PALS1: variants seen among roughly 807,000 people sequenced by gnomAD.
PALS1 encodes protein PALS1.
Under a neutral mutation model 78.9 loss-of-function variants are expected in PALS1, and 31 were observed. That is an observed-to-expected ratio of 0.39 (90% confidence interval 0.30 to 0.53). The LOEUF (loss-of-function observed/expected upper bound fraction) is 0.53. Among genes scored for constraint, PALS1 ranks in the 20% least tolerant of loss-of-function variants. PALS1 has a pLI of 0.67. For missense variants in PALS1, 704 were observed against 826.5 expected (o/e 0.85, Z 1.82); for synonymous variants, 276 against 270.9 (o/e 1.02, Z -0.18).
intron 14 of PALS1, among the ~76,000 whole-genome samples, chr14:67,328,839 C>G (rs1161877576): frequency 3.3e-5 from 5 of 152,090 alleles, no homozygotes; most frequent in Non-Finnish European, 5.9e-5. Context: ...TGGTCTGTAT[C>G]TCTGTTTTGG....
In PALS1 at chr14:67,320,238, A is replaced by G; in HGVS notation, c.1378A>G (p.Asn460Asp). 6.2e-7 allele frequency: 1 copy of G among 1,608,132 alleles called. No individual in the cohort carries two copies. Among genetic ancestry groups the G allele is most frequent in the East Asian group, 2.2e-5 (1 of 44,792 alleles). Residue 460 changes from asparagine to aspartate, a missense_variant, in exon 12 of 15, where the codon AAC becomes GAC. By Grantham distance (23) the Asn-to-Asp change is conservative (BLOSUM62 1). Transcript: ENST00000261681. ...ACTTTTTTTTCCCAAAGATTATGAC[A>G]ACGAGGAGATCTTAACCTATGAGGA... The part of the protein sequence containing the change: ...YNANKNDDYD[N>D]EEILTYEEMS...
chr14:67,330,306 A>T (rs2085428860), intron 14 of PALS1, among the ~76,000 whole-genome samples: 1 of 151,702 alleles, frequency 6.6e-6, no homozygotes, highest in African/African-American at 2.4e-5. Flanking sequence ...GTTTCTCAAG[A>T]TGAATGCTTA....
In PALS1 at chr14:67,279,434, G is replaced by A; in HGVS notation, c.264G>A (p.Lys88=). 1 of 1,613,898 alleles carries A rather than the reference G, an allele frequency of 6.2e-7. No homozygotes were observed. Among genetic ancestry groups the A allele is most frequent in the Non-Finnish European group, 8.5e-7 (1 of 1,179,908 alleles). Residue 88 remains lysine, a synonymous_variant, in exon 3 of 15, where the codon AAG becomes AAA. Coordinates refer to ENST00000261681, the MANE Select transcript of PALS1 (RefSeq NM_022474.4). ...ELDLNSSMRL[K]KLAQIPPKTG... is the part of the protein sequence containing the mutation. Reference sequence around the variant, plus strand: ...ACCTTAATTCTTCCATGAGACTTAAGAAACTAGCCCAAATTCCTCCAAAGA... The same window carrying A: ...ACCTTAATTCTTCCATGAGACTTAAAAAACTAGCCCAAATTCCTCCAAAGA...
chr14:67,328,499 A>G (rs2085394503), intron 14 of PALS1, among the ~76,000 whole-genome samples: 1 of 152,084 alleles, frequency 6.6e-6, no homozygotes, highest in Admixed American at 6.5e-5. Context: ...CCATTTGTCA[A>G]TTTTGAGTTT....
chr14:67,318,650 C>G (rs1195233994), intron 11 of PALS1, among the ~76,000 whole-genome samples: 3 of 152,172 alleles, frequency 2.0e-5, no homozygotes, highest in Non-Finnish European at 4.4e-5. Flanking sequence ...ATGTCATCAT[C>G]ATGAATATTT....
intron 1 of PALS1, among the ~76,000 whole-genome samples, chr14:67,262,561 G>A (rs2084255302): frequency 1.3e-5 from 2 of 152,108 alleles, no homozygotes. Flanking sequence ...CCTTTATCCT[G>A]CCATGTGTAA....
At chr14:67,312,785 C>T in intron 9 of PALS1, 75 bp downstream of exon 9, 1 of 1,183,376 alleles carries the variant, frequency 8.5e-7, no homozygotes, top group African/African-American at 1.6e-5. Flanking sequence ...AAGAAAAACT[C>T]ACTCTTTCAT....
intron 3 of PALS1, 27 bp downstream of exon 3, chr14:67,279,564 A>G: frequency 1.3e-6 from 2 of 1,501,982 alleles, no homozygotes; most frequent in African/African-American, 2.8e-5. Flanking sequence ...GTATAACAGA[A>G]AACATTTTGC....
chr14:67,257,967 A>G (rs2084173163), intron 1 of PALS1, among the ~76,000 whole-genome samples: 1 of 152,198 alleles, frequency 6.6e-6, no homozygotes, highest in Non-Finnish European at 1.5e-5. Context: ...GAATATTTGC[A>G]TCATTTAACT....
At chr14:67,287,016 A>C (rs1446796550) in intron 3 of PALS1, among the ~76,000 whole-genome samples, 1 of 152,108 alleles carries the variant, frequency 6.6e-6, no homozygotes, top group East Asian at 1.9e-4. Context: ...CCAGGAGTTC[A>C]AGACCAGCTT....
intron 1 of PALS1, among the ~76,000 whole-genome samples, chr14:67,248,444 A>G (rs906436791): frequency 1.3e-5 from 2 of 152,162 alleles, no homozygotes; most frequent in Non-Finnish European, 2.9e-5. Flanking sequence ...ACAGTTACCT[A>G]CCTACATTTT....
intron 1 of PALS1, chr14:67,254,156 A>G (rs2084108068): frequency 7.2e-6 from 1 of 138,316 alleles, no homozygotes. Context: ...CTTATCTGAT[A>G]TCTATACTAG....
In PALS1 at chr14:67,323,723, T is replaced by C; in HGVS notation, c.1762T>C (p.Ser588Pro). 2 of 1,587,068 alleles carry C rather than the reference T, an allele frequency of 1.3e-6. No homozygotes were observed. The highest frequency in any genetic ancestry group is 2.7e-5 in the African/African-American group (2 of 73,318). ...ACAGTCATTGAAGACTCTCCGGAATTCAGATTTGAAACCATATATTATCTT... is the reference window on the plus strand; with the variant it reads ...ACAGTCATTGAAGACTCTCCGGAATCCAGATTTGAAACCATATATTATCTT... ...RTQSLKTLRN[S>P]DLKPYIIFIA... is the part of the protein sequence containing the mutation. Residue 588 changes from serine (S) to proline (P), a missense_variant, in exon 14 of 15, where the codon TCA (serine) becomes CCA (proline). Coordinates refer to ENST00000261681, the MANE Select transcript of PALS1 (RefSeq NM_022474.4).
chr14:67,321,374 G>A (rs2085262571), intron 13 of PALS1, 115 bp downstream of exon 13: 1 of 934,832 alleles, frequency 1.1e-6, no homozygotes, highest in East Asian at 2.4e-5. Flanking sequence ...GTTCTCATAC[G>A]GTTTTTCCCA....
At chr14:67,292,174 AG>A (rs1297529833) in intron 3 of PALS1, among the ~76,000 whole-genome samples, 1 of 152,212 alleles carries the variant, frequency 6.6e-6, no homozygotes, top group East Asian at 1.9e-4. Flanking sequence ...AAAAGGAAAT[AG>A]GATGTTAAGA....
intron 14 of PALS1, among the ~76,000 whole-genome samples, chr14:67,327,795 C>T (rs954980035): frequency 6.6e-6 from 1 of 152,202 alleles, no homozygotes; most frequent in Non-Finnish European, 1.5e-5. Flanking sequence ...CAGCTTCATC[C>T]ATGTCCCTAC....
chr14:67,310,283 T>C (rs2085069959), intron 8 of PALS1, among the ~76,000 whole-genome samples: 1 of 152,210 alleles, frequency 6.6e-6, no homozygotes, highest in African/African-American at 2.4e-5. Context: ...AATGAGGTTC[T>C]TTAGGGCACT....
intron 13 of PALS1, among the ~76,000 whole-genome samples, chr14:67,323,232 C>CGTGTGTGTGTGTGTGTGT (rs35018637): frequency 8.0e-4 from 115 of 143,602 alleles, no homozygotes; most frequent in African/African-American, 2.8e-3. Flanking sequence ...CATATATACA[C>CGTGTGTGTGTGTGTGTGT]GTGTGTGTGT....
intron 4 of PALS1, among the ~76,000 whole-genome samples, chr14:67,298,826 T>A (rs2140874987): frequency 6.6e-6 from 1 of 152,312 alleles, no homozygotes; most frequent in South Asian, 2.1e-4. Flanking sequence ...GCGATGACAA[T>A]CACCTCTTTC....
Sources: gnomAD v4.1 joint callset for allele counts (sites outside exome capture counted in the v4.1 genomes callset) on GRCh38, gnomAD v4.1.1 for gene constraint, MANE v1.5 for transcripts, NCBI Gene and HGNC (gene_info 2026-07-23, HGNC 2026-07-21) for gene names.